The following GAB2 variants were observed in gnomAD, a reference collection of about 807,000 sequenced individuals.
GAB2 encodes the protein GRB2 associated binding protein 2.
In GAB2, 26 loss-of-function variants were observed where a neutral mutation model predicts 65.5. The observed-to-expected ratio is 0.40, with a 90% CI of 0.29 to 0.55. GAB2 has a LOEUF of 0.55. Among genes scored for constraint, GAB2 ranks in the 20% least tolerant of loss-of-function variants. The pLI is 0.53. For synonymous variants in GAB2, 321 were observed against 329.6 expected, an observed-to-expected ratio of 0.97 and a Z score of 0.28; for missense variants, 884 against 875.8, an observed-to-expected ratio of 1.01 and a Z score of -0.12.
intron 1 of GAB2, among the ~76,000 whole-genome samples, chr11:78,317,687 G>A (rs932272591): frequency 2.6e-5 from 4 of 151,674 alleles, no homozygotes; most frequent in African/African-American, 9.7e-5. Context: ...CAAAGAACTT[G>A]GCAACGAATC....
rs142832330 is a variant in GAB2 at position 78,417,098 on chromosome 11, G to A, written c.75+548C>T. Among the ~76,000 whole-genome samples the A allele has an allele frequency of 3.1e-3, 477 of 152,308 alleles. 3 individuals are homozygous for A. The highest frequency in any genetic ancestry group is 0.011 in the African/African-American group (461 of 41,562). On this transcript the variant is annotated intron_variant, in intron 1 of 9. Transcript: ENST00000361507. Reference sequence around the variant, plus strand: ...AAACAAATGAGTCACTTAATACAAGGGCTGCACATGCCGCTGACGCTGCCG... The same window carrying A: ...AAACAAATGAGTCACTTAATACAAGAGCTGCACATGCCGCTGACGCTGCCG...
chr11:78,220,562 C>T (rs1276183023), intron 8 of GAB2, 118 bp from the exon 9 acceptor site: 4 of 793,298 alleles, frequency 5.0e-6, no homozygotes, highest in Non-Finnish European at 7.9e-6. Context: ...GACACATGCA[C>T]CATGCTAAGG....
chr11:78,414,483 A>C (rs1857168827), intron 1 of GAB2, among the ~76,000 whole-genome samples: 2 of 152,242 alleles, frequency 1.3e-5, no homozygotes, highest in Admixed American at 1.3e-4. Flanking sequence ...GAAAACTACA[A>C]TGCAGTGTAG....
intron 1 of GAB2, among the ~76,000 whole-genome samples, chr11:78,408,742 T>A (rs148431625): frequency 6.6e-6 from 1 of 152,128 alleles, no homozygotes; most frequent in Non-Finnish European, 1.5e-5. Context: ...GTTCTCATGA[T>A]AGTGAGTGAG....
intron 1 of GAB2, among the ~76,000 whole-genome samples, chr11:78,398,317 A>G (rs1044874524): frequency 5.9e-5 from 9 of 152,228 alleles, no homozygotes; most frequent in Non-Finnish European, 1.2e-4. Flanking sequence ...CATGCCACCT[A>G]TATGACATGA....
At chr11:78,357,584 C>T (rs1463417517) in intron 1 of GAB2, among the ~76,000 whole-genome samples, 2 of 152,046 alleles carry the variant, frequency 1.3e-5, no homozygotes, top group Admixed American at 1.3e-4. Flanking sequence ...AACAAACAAC[C>T]CCATCAAAAA....
chr11:78,402,433 A>AT lies in GAB2; in HGVS notation c.75+15212dup, dbSNP rs979179968. ...ACATTTTCATTTTTGTTTAAAAAAA[A>AT]TTTTTTTTTTTTTGAGACAGAGTTT... is the stretch of plus-strand genomic sequence containing the variant. On this transcript the variant is annotated intron_variant, in intron 1 of 9. Transcript: ENST00000361507. Among the ~76,000 whole-genome samples the AT allele has an allele frequency of 5.6e-3, 817 of 147,148 alleles. 1 individual carries two copies. The highest frequency in any genetic ancestry group is 0.015 in the African/African-American group (620 of 40,290).
chr11:78,370,579 T>C (rs193061168), intron 1 of GAB2, among the ~76,000 whole-genome samples: 3 of 151,962 alleles, frequency 2.0e-5, no homozygotes, highest in East Asian at 1.9e-4. Context: ...TAGGAAAGAA[T>C]AGGAGGGAAA....
chr11:78,405,123 G>T (rs1857026146), intron 1 of GAB2, among the ~76,000 whole-genome samples: 1 of 139,832 alleles, frequency 7.2e-6, no homozygotes, highest in East Asian at 2.0e-4. Flanking sequence ...TTTTGAGATG[G>T]AGTCTAGCTC....
intron 1 of GAB2, among the ~76,000 whole-genome samples, chr11:78,299,095 G>C (rs1866919031): frequency 6.6e-6 from 1 of 152,172 alleles, no homozygotes; most frequent in Non-Finnish European, 1.5e-5. Context: ...CTCTACTACA[G>C]ACTATTCAAG....
chr11:78,407,502 G>A (rs1857060269), intron 1 of GAB2, among the ~76,000 whole-genome samples: 1 of 151,774 alleles, frequency 6.6e-6, no homozygotes, highest in Admixed American at 6.6e-5. Flanking sequence ...GCGTGGTGGT[G>A]AGCGCCTGTA....
chr11:78,374,448 C>CG (rs1018773094), intron 1 of GAB2, among the ~76,000 whole-genome samples: 8 of 152,012 alleles, frequency 5.3e-5, no homozygotes, highest in Non-Finnish European at 8.8e-5. Context: ...GGGGGTTACC[C>CG]GGGGGGGAAC....
At position 78,301,330 on chromosome 11, in the gene GAB2, G is replaced by GTTTT. The variant is rs373415325; in HGVS notation, c.76-20433_76-20430dup. On this transcript the variant is annotated intron_variant, in intron 1 of 9. Transcript: ENST00000361507. ...TTCATTTTCTTAGTGGTATCTTGTG[G>GTTTT]TTTTTTGTTTTTTTTTTGAGACAGA... Among the ~76,000 whole-genome samples, 36 of 145,764 alleles carry GTTTT rather than the reference G, an allele frequency of 2.5e-4. 2 individuals carry two copies. Among genetic ancestry groups the GTTTT allele is most frequent in the African/African-American group, 6.9e-4 (26 of 37,932 alleles).
chr11:78,406,710 T>C (rs1452405994), intron 1 of GAB2, among the ~76,000 whole-genome samples: 5 of 152,078 alleles, frequency 3.3e-5, no homozygotes, highest in African/African-American at 7.2e-5. Flanking sequence ...ATACAAAGAA[T>C]GAGGAAGCTC....
At chr11:78,395,679 G>A (rs1296390075) in intron 1 of GAB2, among the ~76,000 whole-genome samples, 3 of 152,182 alleles carry the variant, frequency 2.0e-5, no homozygotes, top group African/African-American at 7.2e-5. Flanking sequence ...AGTTCTGACT[G>A]GAGAAAAACA....
At chr11:78,415,567 G>A (rs1857184923) in intron 1 of GAB2, among the ~76,000 whole-genome samples, 1 of 152,216 alleles carries the variant, frequency 6.6e-6, no homozygotes, top group African/African-American at 2.4e-5. Flanking sequence ...AGGGGCAGAG[G>A]CTTCCAGTCA....
chr11:78,253,321 T>C (rs1865509350), intron 2 of GAB2, among the ~76,000 whole-genome samples: 1 of 152,164 alleles, frequency 6.6e-6, no homozygotes, highest in Non-Finnish European at 1.5e-5. Flanking sequence ...AGACATGGTC[T>C]TGCTCTGTTG....
At chr11:78,289,839 T>A in intron 1 of GAB2, among the ~76,000 whole-genome samples, 1 of 147,226 alleles carries the variant, frequency 6.8e-6, no homozygotes, top group African/African-American at 2.5e-5. Flanking sequence ...TTTTTTTTTT[T>A]TAAATACAAC....
intron 1 of GAB2, among the ~76,000 whole-genome samples, chr11:78,335,401 T>C (rs1855981009): frequency 6.6e-6 from 1 of 152,212 alleles, no homozygotes; most frequent in South Asian, 2.1e-4. Flanking sequence ...TTAATTCATT[T>C]TGATTTGATT....
Sources: allele counts gnomAD v4.1 joint callset (sites outside exome capture counted in the v4.1 genomes callset), GRCh38; gene constraint gnomAD v4.1.1; transcripts MANE v1.5; gene names NCBI Gene and HGNC (gene_info 2026-07-23, HGNC 2026-07-21).